Variants in DZIP1L observed in about 807,000 individuals in gnomAD.
DZIP1L encodes cilium assembly protein DZIP1L.
A neutral mutation model predicts 88.7 loss-of-function variants in DZIP1L; 90 were observed. The observed-to-expected ratio is 1.02, with a 90% CI of 0.86 to 1.21. The LOEUF (loss-of-function observed/expected upper bound fraction) is 1.21, where lower values mean the gene tolerates loss of function less well. Among genes scored for constraint, DZIP1L ranks in the 50% most tolerant of loss-of-function variants. DZIP1L has a pLI of 0.00. For synonymous variants in DZIP1L, 363 were observed against 372.1 expected, an observed-to-expected ratio of 0.98 and a Z score of 0.28; for missense variants, 932 against 955.8, an observed-to-expected ratio of 0.98 and a Z score of 0.33.
At chr3:138,102,546 G>A (rs2042352784) in intron 2 of DZIP1L, 8 of 1,392,330 alleles carry the variant, frequency 5.7e-6, no homozygotes, top group Middle Eastern at 1.9e-4. Context: ...GCTGCAGGAG[G>A]CTCCAGTTGG....
chr3:138,095,053 T>C (rs917740473), intron 3 of DZIP1L, 70 bp from the exon 4 acceptor site: 3 of 1,606,770 alleles, frequency 1.9e-6, no homozygotes, highest in Admixed American at 1.7e-5. Context: ...TTTCTCACCT[T>C]GTCAATCAGC....
chr3:138,101,448 G>A (rs2042308874), intron 2 of DZIP1L: 1 of 731,380 alleles, frequency 1.4e-6, no homozygotes, highest in Non-Finnish European at 2.5e-6. Context: ...GCCGCAGGAG[G>A]GGCAGGCTGG....
rs192939051 is a variant in DZIP1L, at chr3:138,077,153, G to A, written c.1422+346C>T. ...GCAGATGGATACTTACCCAAGGGGG[G>A]ACCTATCCACAGGCCAGATTGAGCC... On this transcript the variant is annotated intron_variant, in intron 11 of 15. Coordinates refer to ENST00000327532, the MANE Select transcript of DZIP1L (RefSeq NM_173543.3). 1.9e-3 allele frequency among the ~76,000 whole-genome samples: 283 copies of A among 152,288 alleles called. 1 individual carries two copies. Among genetic ancestry groups the A allele is most frequent in the Non-Finnish European group, 3.2e-3 (221 of 68,032 alleles).
chr3:138,093,571 G>GT (rs2107812858), intron 4 of DZIP1L, among the ~76,000 whole-genome samples: 2 of 152,318 alleles, frequency 1.3e-5, no homozygotes, highest in South Asian at 4.1e-4. Flanking sequence ...ATAGAAGGTT[G>GT]TTTTTTCTAC....
At chr3:138,097,881 T>C in intron 2 of DZIP1L, 34 bp from the exon 3 acceptor site, 1 of 1,576,182 alleles carries the variant, frequency 6.3e-7, no homozygotes. Context: ...GAGTACAAGA[T>C]TAGGTCACCT....
chr3:138,084,031 A>G (rs1943802764), intron 8 of DZIP1L, 82 bp downstream of exon 8: 3 of 1,551,558 alleles, frequency 1.9e-6, no homozygotes, highest in African/African-American at 2.7e-5. Context: ...AGCACTGATG[A>G]GCCCAAAAGA....
rs763632995 is a variant in DZIP1L at position 138,080,559 on chromosome 3, G to C, written c.1288+8C>G. The C allele has an allele frequency of 5.0e-6, 8 of 1,613,518 alleles. No homozygotes were observed. Among genetic ancestry groups the C allele is most frequent in the African/African-American group, 1.3e-5 (1 of 75,052 alleles). ...ACTGGACACCCAGGAAAGAAAGTAAGGTCCCACCTTCCTCTGGAGAGTCCT... is the reference window on the plus strand; with the variant it reads ...ACTGGACACCCAGGAAAGAAAGTAACGTCCCACCTTCCTCTGGAGAGTCCT... On this transcript the variant is annotated splice_region_variant and intron_variant, in intron 10 of 15. Transcript: ENST00000327532.
intron 1 of DZIP1L, chr3:138,108,132 C>T (rs1039729127): frequency 9.6e-6 from 9 of 932,884 alleles, no homozygotes; most frequent in Admixed American, 6.2e-5. Context: ...TACAGGTGCC[C>T]GCCACCATGC....
intron 11 of DZIP1L, among the ~76,000 whole-genome samples, chr3:138,072,987 C>T (rs1005576277): frequency 6.6e-6 from 1 of 152,122 alleles, no homozygotes; most frequent in African/African-American, 2.4e-5. Context: ...GGGAACACAC[C>T]CTCATCCCCA....
At chr3:138,071,059 T>C (rs1943153390) in intron 12 of DZIP1L, among the ~76,000 whole-genome samples, 1 of 152,212 alleles carries the variant, frequency 6.6e-6, no homozygotes, top group Admixed American at 6.5e-5. Context: ...AAGTGGCAGC[T>C]ATGACCTGGC....
At position 138,068,221 on chromosome 3, in the gene DZIP1L, A is replaced by G. The variant is rs766101391; in HGVS notation, c.1762T>C (p.Ser588Pro). The change falls in exon 13 of 16, where the codon TCC becomes CCC. Residue 588 changes from serine (S) to proline (P), a missense_variant. Physicochemically the swap from Ser to Pro is moderately conservative, Grantham distance 74. Transcript: ENST00000327532. ...AGTCCGGGGCGTGGAGCGGGGGCGGACACCTGGGTCAGGCTGGAGCCATGG... is the reference window on the plus strand; with the variant it reads ...AGTCCGGGGCGTGGAGCGGGGGCGGGCACCTGGGTCAGGCTGGAGCCATGG... Reference protein sequence around the residue: ...GSHGSSLTQVSAPAPRPGLHG... With the variant: ...GSHGSSLTQVPAPAPRPGLHG... The G allele has an allele frequency of 1.9e-6, 3 of 1,592,736 alleles. No homozygotes were observed. Among genetic ancestry groups the G allele is most frequent in the East Asian group, 2.3e-5 (1 of 43,756 alleles).
rs917087526 is a variant in DZIP1L, at chr3:138,101,966, G to C, written c.501+1505C>G. 3.9e-6 allele frequency: 6 copies of C among 1,535,404 alleles called. No individual in the cohort carries two copies. The African/African-American group carries it at 8.2e-5, about 21-fold the overall frequency. On this transcript the variant is annotated intron_variant, in intron 2 of 15. Transcript: ENST00000327532. ...CTTTGAGGCCCTCAATCTCAGCCTG[G>C]AGCCGGCTGATGTTCTGGTTCATCT...
At chr3:138,081,894 G>C (rs537088779) in intron 8 of DZIP1L, 130 bp from the exon 9 acceptor site, 2 of 895,856 alleles carry the variant, frequency 2.2e-6, no homozygotes, top group East Asian at 6.2e-5. Context: ...TTGGGAACTG[G>C]AAGGAGCTCA....
rs770131116 is a variant in DZIP1L, at chr3:138,101,079, C to T, written c.501+2392G>A. Among the ~76,000 whole-genome samples the T allele has an allele frequency of 8.5e-5, 13 of 152,146 alleles. No homozygotes were observed. In the South Asian group the frequency reaches 1.5e-3, roughly 17 times the overall value. ...ATCCTCCATCATATATAAATATGCA[C>T]GCACTCACACCCTCTATAAATACAC... On this transcript the variant is annotated intron_variant, in intron 2 of 15. Transcript: ENST00000327532.
At chr3:138,064,393 T>C in intron 15 of DZIP1L, 10 of 1,401,676 alleles carry the variant, frequency 7.1e-6, no homozygotes, top group African/African-American at 2.9e-5. Flanking sequence ...CAAAACTTAC[T>C]GAGCATTGCT....
At chr3:138,081,281 C>T (rs957950852) in intron 9 of DZIP1L, among the ~76,000 whole-genome samples, 3 of 152,112 alleles carry the variant, frequency 2.0e-5, no homozygotes, top group Admixed American at 6.6e-5. Flanking sequence ...CACAGACACA[C>T]GCATCCCCAC....
intron 15 of DZIP1L, among the ~76,000 whole-genome samples, chr3:138,064,014 C>A (rs1020975596): frequency 6.6e-6 from 1 of 152,130 alleles, no homozygotes; most frequent in African/African-American, 2.4e-5. Context: ...GCAAGTTGTT[C>A]CCTGATGGAG....
chr3:138,070,034 G>A (rs912493766), intron 12 of DZIP1L, among the ~76,000 whole-genome samples: 1 of 152,198 alleles, frequency 6.6e-6, no homozygotes, highest in Admixed American at 6.5e-5. Flanking sequence ...ACAAAGGTGT[G>A]TGGGAGTGGG....
At chr3:138,097,723 C>A in intron 3 of DZIP1L, 40 bp downstream of exon 3, 1 of 1,568,524 alleles carries the variant, frequency 6.4e-7, no homozygotes, top group Non-Finnish European at 8.7e-7. Flanking sequence ...CAGCCCTTTC[C>A]ACAGTCCCAG....
Sources: gnomAD v4.1 joint callset for allele counts (sites outside exome capture counted in the v4.1 genomes callset) on GRCh38, gnomAD v4.1.1 for gene constraint, MANE v1.5 for transcripts, NCBI Gene and HGNC (gene_info 2026-07-23, HGNC 2026-07-21) for gene names.